Variants in PCDHA4 observed in about 807,000 individuals in gnomAD.
PCDHA4 encodes protocadherin alpha 4.
Under a neutral mutation model 61.4 loss-of-function variants are expected in PCDHA4, and 49 were observed. The observed-to-expected ratio is 0.80, with a 90% CI of 0.63 to 1.01. The LOEUF (loss-of-function observed/expected upper bound fraction) is 1.01. Among genes scored for constraint, PCDHA4 ranks in the 50% least tolerant of loss-of-function variants. The pLI, the probability that PCDHA4 is intolerant of heterozygous loss-of-function variation, is 0.00. For missense variants in PCDHA4, 1,254 were observed against 1,235.8 expected, an observed-to-expected ratio of 1.01 and a Z score of -0.22; for synonymous variants, 590 against 550.3, an observed-to-expected ratio of 1.07 and a Z score of -1.01.
chr5:140,961,564 T>A (rs2095622037), intron 1 of PCDHA4, among the ~76,000 whole-genome samples: 1 of 152,208 alleles, frequency 6.6e-6, no homozygotes, highest in African/African-American at 2.4e-5. Flanking sequence ...TTTTAAATTT[T>A]GTTTTGATAA....
At chr5:140,922,427 G>A (rs1407931624) in intron 1 of PCDHA4, among the ~76,000 whole-genome samples, 2 of 152,212 alleles carry the variant, frequency 1.3e-5, no homozygotes, top group Middle Eastern at 3.4e-3. Context: ...AGAGGCTGAG[G>A]GCAGAACTCT....
rs1465099022 is a variant in PCDHA4 at position 140,850,419 on chromosome 5, G to T, written c.2385+40847G>T. 7.5e-6 allele frequency: 12 copies of T among 1,597,838 alleles called. 2 individuals carry two copies. Among genetic ancestry groups the T allele is most frequent in the Non-Finnish European group, 9.4e-6 (11 of 1,167,742 alleles). On this transcript the variant is annotated intron_variant, in intron 1 of 3. Coordinates refer to ENST00000530339, the MANE Select transcript of PCDHA4 (RefSeq NM_018907.4). ...AACGCGTGCCCTGGACGAAACGGAC[G>T]CACCGCGCCAGCGCCTACTGGTGCT...
chr5:140,952,266 G>T (rs2094712993), intron 1 of PCDHA4, among the ~76,000 whole-genome samples: 1 of 151,598 alleles, frequency 6.6e-6, no homozygotes, highest in South Asian at 2.1e-4. Context: ...CCATTCTGGG[G>T]TCTTGAGGGT....
At chr5:140,993,459 TTCTCAC>T (rs2097559303) in intron 3 of PCDHA4, among the ~76,000 whole-genome samples, 1 of 83,038 alleles carries the variant, frequency 1.2e-5, no homozygotes, top group African/African-American at 4.6e-5. Context: ...CCTTCTTTCT[TTCTCAC>T]ACACACACAC....
At position 140,929,210 on chromosome 5, in the gene PCDHA4, G is replaced by A. The variant is rs782078369; in HGVS notation, c.2386-49739G>A. The A allele has an allele frequency of 1.9e-6, 3 of 1,613,952 alleles. No individual in the cohort carries two copies. The South Asian group carries it at 3.3e-5, about 18-fold the overall frequency. The stretch of plus-strand genomic sequence containing the variant: ...GATAATAACAGTTTGCTGTTGCGTG[G>A]GGAGTACAATGCTGCCGACCTGCGA... On this transcript the variant is annotated intron_variant, in intron 1 of 3. Transcript: ENST00000530339.
chr5:140,858,449 G>C, intron 1 of PCDHA4: 1 of 1,532,030 alleles, frequency 6.5e-7, no homozygotes, highest in East Asian at 2.4e-5. Context: ...GGGTTATTAC[G>C]TTTTCATTTT....
At chr5:140,885,313 A>G (rs2060560221) in intron 1 of PCDHA4, among the ~76,000 whole-genome samples, 1 of 152,144 alleles carries the variant, frequency 6.6e-6, no homozygotes, top group East Asian at 1.9e-4. Flanking sequence ...GCTTTTTGTT[A>G]TTATTTCTTT....
chr5:140,850,794 A>G, intron 1 of PCDHA4: 2 of 1,598,296 alleles, frequency 1.3e-6, no homozygotes, highest in Non-Finnish European at 1.7e-6. Context: ...TAAGCAGAAG[A>G]CCGACCTCAT....
At chr5:140,823,678 T>A in intron 1 of PCDHA4, 1 of 1,613,954 alleles carries the variant, frequency 6.2e-7, no homozygotes, top group South Asian at 1.1e-5. Flanking sequence ...CACAACACGC[T>A]CTCTGGATGA....
At chr5:140,839,812 A>G (rs2150301074) in intron 1 of PCDHA4, among the ~76,000 whole-genome samples, 1 of 152,032 alleles carries the variant, frequency 6.6e-6, no homozygotes, top group African/African-American at 2.4e-5. Flanking sequence ...TTAATTGCCT[A>G]CTATGAAGGC....
intron 1 of PCDHA4, chr5:140,870,876 G>T: frequency 1.2e-6 from 2 of 1,613,958 alleles, no homozygotes; most frequent in Non-Finnish European, 1.7e-6. Flanking sequence ...ACGTGGTGGC[G>T]AAGGTGCGCG....
intron 1 of PCDHA4, among the ~76,000 whole-genome samples, chr5:140,900,051 C>G (rs1489382607): frequency 6.6e-6 from 1 of 152,168 alleles, no homozygotes; most frequent in African/African-American, 2.4e-5. Flanking sequence ...CTCAAGTGAT[C>G]CTTTAACCTC....
At chr5:140,920,381 A>G (rs887594411) in intron 1 of PCDHA4, among the ~76,000 whole-genome samples, 1 of 152,164 alleles carries the variant, frequency 6.6e-6, no homozygotes, top group Non-Finnish European at 1.5e-5. Flanking sequence ...GTGGATTCAT[A>G]TTACCATCTG....
At chr5:140,836,222 G>A (rs1366875668) in intron 1 of PCDHA4, 2 of 1,613,676 alleles carry the variant, frequency 1.2e-6, no homozygotes, top group Non-Finnish European at 8.5e-7. Flanking sequence ...AGTTGCAACC[G>A]GTGGCGGCCG....
intron 1 of PCDHA4, among the ~76,000 whole-genome samples, chr5:140,925,385 C>G (rs559735505): frequency 6.4e-4 from 97 of 152,144 alleles, no homozygotes; most frequent in Non-Finnish European, 1.2e-3. Context: ...AATGAGTCTC[C>G]TTTTGGCTCG....
intron 1 of PCDHA4, chr5:140,869,211 G>A (rs375218342): frequency 1.2e-6 from 2 of 1,613,956 alleles, no homozygotes; most frequent in Admixed American, 1.7e-5. Flanking sequence ...ACTCCGTCTC[G>A]GAGGAGGCCA....
chr5:140,869,192 A>T (rs782002128), intron 1 of PCDHA4: 2 of 1,613,882 alleles, frequency 1.2e-6, no homozygotes, highest in East Asian at 4.5e-5. Flanking sequence ...GGGAGCGGCC[A>T]GCTCCACTAC....
Position 140,902,287 on chromosome 5 carries a change from C to T in PCDHA4, c.2386-76662C>T, listed in dbSNP as rs150308530. Among the ~76,000 whole-genome samples the T allele has an allele frequency of 1.9e-3, 280 of 150,946 alleles. 2 individuals are homozygous for T. The highest frequency in any genetic ancestry group is 6.5e-3 in the African/African-American group (266 of 41,018). ...TCCTGGGCTCAAGCAATCCTCCTGC[C>T]TCAGCCTCCCAAAGTGCTGGGATTA... is the stretch of plus-strand genomic sequence containing the variant. On this transcript the variant is annotated intron_variant, in intron 1 of 3. Transcript: ENST00000530339.
Position 140,849,743 on chromosome 5 carries a change from G to C in PCDHA4, c.2385+40171G>C. The C allele has an allele frequency of 1.9e-6, 3 of 1,598,504 alleles. No individual in the cohort carries two copies. The highest frequency in any genetic ancestry group is 2.6e-6 in the Non-Finnish European group (3 of 1,168,014). On this transcript the variant is annotated intron_variant, in intron 1 of 3. Transcript: ENST00000530339. ...TGCTGGACAGAGCTCTGGACCGCGA[G>C]AGTGTGTCCGCCTACGAGCTGGTGG...
Sources: gnomAD v4.1 joint callset for allele counts (sites outside exome capture counted in the v4.1 genomes callset) on GRCh38, gnomAD v4.1.1 for gene constraint, MANE v1.5 for transcripts, NCBI Gene and HGNC (gene_info 2026-07-23, HGNC 2026-07-21) for gene names.